CSMD1: variants seen among roughly 807,000 people sequenced by gnomAD.
The protein encoded by CSMD1 is CUB and sushi domain-containing protein 1.
In CSMD1, 213 loss-of-function variants were observed where a neutral mutation model predicts 417.5. The ratio of observed to expected loss-of-function variants is 0.51; its 90% CI spans 0.46 to 0.57. The LOEUF (loss-of-function observed/expected upper bound fraction) is 0.57, where lower values mean the gene tolerates loss of function less well. Ranked by LOEUF, CSMD1 falls within the 20% of genes least tolerant of loss-of-function variation. The pLI, the probability that CSMD1 is intolerant of heterozygous loss-of-function variation, is 0.00. For missense variants in CSMD1, 6,923 were observed against 4,529.7 expected, an observed-to-expected ratio of 1.53 and a Z score of -15.17; for synonymous variants, 2,862 against 1,736.8, an observed-to-expected ratio of 1.65 and a Z score of -16.11.
intron 7 of CSMD1, among the ~76,000 whole-genome samples, chr8:3,696,280 A>G (rs1418458493): frequency 6.6e-6 from 1 of 152,226 alleles, no homozygotes; most frequent in African/African-American, 2.4e-5. Flanking sequence ...TAATAATAAT[A>G]ATATGCAGTG....
intron 6 of CSMD1, among the ~76,000 whole-genome samples, chr8:3,739,920 A>T (rs1047426542): frequency 1.3e-5 from 2 of 152,160 alleles, no homozygotes; most frequent in Admixed American, 6.6e-5. Context: ...CAATGAGGAT[A>T]TTTTCTCTAA....
At position 4,476,639 on chromosome 8, in the gene CSMD1, C is replaced by T. The variant is rs1039696095; in HGVS notation, c.303-56574G>A. Among the ~76,000 whole-genome samples the T allele has an allele frequency of 2.0e-5, 3 of 152,122 alleles. No individual in the cohort carries two copies. In the South Asian group the frequency reaches 6.2e-4, roughly 32 times the overall value. On this transcript the variant is annotated intron_variant, in intron 2 of 69. Transcript: ENST00000635120. ...TTGAGACTGCCTTTAGAAATAGCAA[C>T]TCATAGTCTAACACCATCCCAAGGC...
chr8:4,203,483 T>C (rs552232242), intron 3 of CSMD1, among the ~76,000 whole-genome samples: 4 of 152,310 alleles, frequency 2.6e-5, no homozygotes, highest in South Asian at 2.1e-4. Flanking sequence ...GAAGAAAACA[T>C]GTTTATTCTC....
chr8:4,777,569 T>C (rs79244740), intron 1 of CSMD1, among the ~76,000 whole-genome samples: 1,558 of 152,308 alleles, frequency 0.01, 12 homozygotes, highest in East Asian at 0.049. Flanking sequence ...TTGTTCCTTA[T>C]CAGCTAATCC....
chr8:4,461,978 T>A (rs529950309), intron 2 of CSMD1, among the ~76,000 whole-genome samples: 1 of 152,194 alleles, frequency 6.6e-6, no homozygotes, highest in African/African-American at 2.4e-5. Flanking sequence ...CCCGACCTCC[T>A]GATCCGCCCA....
intron 1 of CSMD1, among the ~76,000 whole-genome samples, chr8:4,883,827 A>C (rs925207693): frequency 6.6e-6 from 1 of 151,970 alleles, no homozygotes; most frequent in Admixed American, 6.6e-5. Flanking sequence ...CATTTATTTT[A>C]ATTTCTCTTA....
At chr8:3,224,208 A>G (rs914942607) in intron 27 of CSMD1, among the ~76,000 whole-genome samples, 3 of 152,200 alleles carry the variant, frequency 2.0e-5, no homozygotes, top group Non-Finnish European at 4.4e-5. Context: ...ACGTGCACAC[A>G]TGTGCACAAA....
At chr8:3,111,315 T>C (rs972297359) in intron 42 of CSMD1, among the ~76,000 whole-genome samples, 13 of 152,136 alleles carry the variant, frequency 8.5e-5, no homozygotes, top group Admixed American at 3.3e-4. Flanking sequence ...GAAAAGAACA[T>C]TGGATTGAAC....
intron 52 of CSMD1, among the ~76,000 whole-genome samples, chr8:3,007,881 C>A (rs1044701185): frequency 1.3e-5 from 2 of 151,592 alleles, no homozygotes; most frequent in African/African-American, 4.9e-5. Flanking sequence ...TGTAACCAAC[C>A]TGCACAATGT....
intron 15 of CSMD1, among the ~76,000 whole-genome samples, chr8:3,404,754 G>A (rs969052428): frequency 8.5e-4 from 128 of 150,730 alleles, no homozygotes; most frequent in African/African-American, 2.7e-3. Context: ...CATGAGATAT[G>A]TATGTATTTA....
At chr8:3,945,863 T>C (rs1001598947) in intron 5 of CSMD1, among the ~76,000 whole-genome samples, 1 of 152,110 alleles carries the variant, frequency 6.6e-6, no homozygotes, top group East Asian at 1.9e-4. Context: ...TGAATCATTA[T>C]TCCAGAAATG....
intron 5 of CSMD1, among the ~76,000 whole-genome samples, chr8:3,943,053 G>C (rs539087291): frequency 6.6e-6 from 1 of 152,144 alleles, no homozygotes; most frequent in East Asian, 1.9e-4. Context: ...TTTCAGAGAA[G>C]ATAAATGCAA....
intron 1 of CSMD1, among the ~76,000 whole-genome samples, chr8:4,696,895 C>A (rs1169982311): frequency 6.6e-6 from 1 of 152,164 alleles, no homozygotes; most frequent in Admixed American, 6.5e-5. Context: ...AAATCAGGGC[C>A]AGGTTCAGTG....
intron 3 of CSMD1, among the ~76,000 whole-genome samples, chr8:4,124,212 C>T (rs1395617547): frequency 6.6e-6 from 1 of 152,066 alleles, no homozygotes; most frequent in Non-Finnish European, 1.5e-5. Context: ...GAGGAAGCTT[C>T]AGGGCTCCTG....
chr8:4,289,977 G>T (rs1384750879), intron 3 of CSMD1, among the ~76,000 whole-genome samples: 2 of 152,174 alleles, frequency 1.3e-5, no homozygotes, highest in African/African-American at 4.8e-5. Context: ...ATTTCATTCA[G>T]CTTGTATATT....
intron 5 of CSMD1, among the ~76,000 whole-genome samples, chr8:3,776,999 C>A (rs967165117): frequency 5.9e-5 from 9 of 151,694 alleles, no homozygotes; most frequent in Non-Finnish European, 1.3e-4. Flanking sequence ...CATGCATGAC[C>A]CCCCACATCT....
intron 7 of CSMD1, among the ~76,000 whole-genome samples, chr8:3,653,894 G>A (rs543268330): frequency 1.3e-5 from 2 of 152,260 alleles, no homozygotes; most frequent in South Asian, 2.1e-4. Flanking sequence ...GACAGCATCA[G>A]TATTAAAAAT....
At chr8:4,068,843 A>G (rs1799396118) in intron 3 of CSMD1, among the ~76,000 whole-genome samples, 1 of 152,234 alleles carries the variant, frequency 6.6e-6, no homozygotes, top group Non-Finnish European at 1.5e-5. Context: ...GTACTGTATC[A>G]AAATGCAGCT....
At chr8:4,058,441 C>T (rs1211777265) in intron 3 of CSMD1, among the ~76,000 whole-genome samples, 1 of 152,076 alleles carries the variant, frequency 6.6e-6, no homozygotes, top group African/African-American at 2.4e-5. Flanking sequence ...TCGGCTGGGA[C>T]AATGGGGTTT....
Sources: allele counts gnomAD v4.1 joint callset (sites outside exome capture counted in the v4.1 genomes callset), GRCh38; gene constraint gnomAD v4.1.1; transcripts MANE v1.5; gene names NCBI Gene and HGNC (gene_info 2026-07-23, HGNC 2026-07-21).